The following C8orf34 variants were observed in gnomAD, a reference collection of about 807,000 sequenced individuals.
C8orf34 encodes the protein uncharacterized protein C8orf34.
Under a neutral mutation model 68.3 loss-of-function variants are expected in C8orf34, and 65 were observed. That is an observed-to-expected ratio of 0.95 (90% CI 0.78 to 1.17). The LOEUF (loss-of-function observed/expected upper bound fraction) is 1.17, where lower values mean the gene tolerates loss of function less well. Among genes scored for constraint, C8orf34 ranks in the 50% most tolerant of loss-of-function variants. The pLI is 0.00. For missense variants in C8orf34, 664 were observed against 655.4 expected (o/e 1.01, Z -0.14); for synonymous variants, 244 against 241.2 (o/e 1.01, Z -0.11).
chr8:68,751,357 G>A (rs1290809686), intron 10 of C8orf34, among the ~76,000 whole-genome samples: 1 of 152,102 alleles, frequency 6.6e-6, no homozygotes, highest in African/African-American at 2.4e-5. Context: ...AATATTGAAG[G>A]GTGGCATTAG....
chr8:68,552,557 T>C (rs1816108445), intron 7 of C8orf34, among the ~76,000 whole-genome samples: 1 of 152,128 alleles, frequency 6.6e-6, no homozygotes, highest in African/African-American at 2.4e-5. Flanking sequence ...TTACTTAATG[T>C]TTGTCAGTTA....
chr8:68,529,141 C>T (rs1319601827), intron 6 of C8orf34, among the ~76,000 whole-genome samples: 1 of 152,180 alleles, frequency 6.6e-6, no homozygotes, highest in Non-Finnish European at 1.5e-5. Flanking sequence ...TGTTCTCTGT[C>T]TTTCATTCAA....
intron 7 of C8orf34, among the ~76,000 whole-genome samples, chr8:68,604,580 G>T (rs1386036542): frequency 1.3e-5 from 2 of 152,070 alleles, no homozygotes; most frequent in African/African-American, 4.8e-5. Flanking sequence ...CTTTGACAAA[G>T]ATGTGAAGGC....
At chr8:68,467,754 GTTGGGTA>G (rs2129629823) in intron 3 of C8orf34, among the ~76,000 whole-genome samples, 1 of 152,032 alleles carries the variant, frequency 6.6e-6, no homozygotes, top group African/African-American at 2.4e-5. Context: ...TTGTTCCCTA[GTTGGGTA>G]TACAGTTCTA....
At chr8:68,607,905 A>G (rs921400749) in intron 7 of C8orf34, among the ~76,000 whole-genome samples, 19 of 152,282 alleles carry the variant, frequency 1.2e-4, no homozygotes, top group African/African-American at 4.6e-4. Context: ...GAGATGTTCA[A>G]CAAGACTCTA....
At chr8:68,603,437 AGTT>A (rs1817757802) in intron 7 of C8orf34, among the ~76,000 whole-genome samples, 1 of 151,984 alleles carries the variant, frequency 6.6e-6, no homozygotes, top group Non-Finnish European at 1.5e-5. Context: ...GAAATAATCC[AGTT>A]GTTCATCTGG....
chr8:68,748,744 C>G (rs1822595976), intron 10 of C8orf34, among the ~76,000 whole-genome samples: 2 of 152,124 alleles, frequency 1.3e-5, no homozygotes, highest in South Asian at 4.1e-4. Context: ...ACAACAGGTG[C>G]TGGAGAGAAT....
intron 6 of C8orf34, chr8:68,525,939 G>A (rs1279599569): frequency 4.5e-6 from 1 of 221,816 alleles, no homozygotes; most frequent in Non-Finnish European, 8.9e-6. Context: ...AGCTGAAAGA[G>A]ACAAATTTCT....
chr8:68,681,082 G>A (rs2196257), intron 8 of C8orf34, among the ~76,000 whole-genome samples: 30,751 of 151,890 alleles, frequency 0.2, 3,573 homozygotes, highest in East Asian at 0.56. Flanking sequence ...GCTTGACCCC[G>A]CAGGCAGTCA....
At chr8:68,772,380 A>T (rs1347690815) in intron 10 of C8orf34, among the ~76,000 whole-genome samples, 1 of 152,212 alleles carries the variant, frequency 6.6e-6, no homozygotes, top group Non-Finnish European at 1.5e-5. Context: ...TGGATTGAGG[A>T]CAGTGTGGTT....
intron 11 of C8orf34, 36 bp from the exon 12 acceptor site, chr8:68,787,407 C>T (rs774257601): frequency 1.6e-5 from 23 of 1,466,504 alleles, no homozygotes; most frequent in East Asian, 9.2e-5. Flanking sequence ...GATATCAAAA[C>T]AGAGTTTAAT....
intron 7 of C8orf34, among the ~76,000 whole-genome samples, chr8:68,571,145 A>G (rs1816749242): frequency 6.6e-6 from 1 of 152,136 alleles, no homozygotes; most frequent in South Asian, 2.1e-4. Flanking sequence ...ACACGCATAC[A>G]GCCAACCTCA....
intron 7 of C8orf34, among the ~76,000 whole-genome samples, chr8:68,548,519 A>C (rs1815960313): frequency 1.3e-5 from 2 of 151,832 alleles, no homozygotes; most frequent in Admixed American, 6.6e-5. Flanking sequence ...AAAATGAAAG[A>C]TTCTCAACAC....
intron 1 of C8orf34, among the ~76,000 whole-genome samples, chr8:68,357,071 C>A (rs1161030353): frequency 6.6e-6 from 1 of 151,910 alleles, no homozygotes; most frequent in Non-Finnish European, 1.5e-5. Flanking sequence ...TCTAAGAATT[C>A]TCTCTAGAAA....
intron 7 of C8orf34, among the ~76,000 whole-genome samples, chr8:68,592,067 A>G (rs1817405617): frequency 6.6e-6 from 1 of 152,176 alleles, no homozygotes. Context: ...CAAGTGTATA[A>G]ACTTACAAGT....
intron 4 of C8orf34, among the ~76,000 whole-genome samples, chr8:68,487,511 G>A (rs7001906): frequency 1 from 152,348 of 152,348 alleles, 76,174 homozygotes; most frequent in Non-Finnish European, 1. Flanking sequence ...GCATTGGCTC[G>A]AGGAGCTGTC....
chr8:68,797,254 T>C (rs1178577188), intron 12 of C8orf34, among the ~76,000 whole-genome samples: 1 of 152,220 alleles, frequency 6.6e-6, no homozygotes, highest in Non-Finnish European at 1.5e-5. Context: ...TCTAATCATC[T>C]CAGTCTTAAT....
chr8:68,509,582 T>G (rs1814173110), intron 5 of C8orf34, among the ~76,000 whole-genome samples: 1 of 152,154 alleles, frequency 6.6e-6, no homozygotes, highest in Non-Finnish European at 1.5e-5. Context: ...AATTACCTGT[T>G]TGTGAAGAGA....
At chr8:68,734,183 A>G (rs1822061628) in intron 10 of C8orf34, among the ~76,000 whole-genome samples, 1 of 152,290 alleles carries the variant, frequency 6.6e-6, no homozygotes, top group Admixed American at 6.5e-5. Flanking sequence ...GGTAATCAAG[A>G]ACTAGTAGAC....
Sources: gnomAD v4.1 joint callset for allele counts (sites outside exome capture counted in the v4.1 genomes callset) on GRCh38, gnomAD v4.1.1 for gene constraint, MANE v1.5 for transcripts, NCBI Gene and HGNC (gene_info 2026-07-23, HGNC 2026-07-21) for gene names.